Variants in UBXN2A observed in about 807,000 individuals in gnomAD.
UBXN2A encodes UBX domain protein 2A.
Under a neutral mutation model 28.4 loss-of-function variants are expected in UBXN2A, and 28 were observed. The observed-to-expected ratio is 0.99, with a 90% CI of 0.73 to 1.35. The LOEUF is 1.35. Among genes scored for constraint, UBXN2A ranks in the 40% most tolerant of loss-of-function variants. UBXN2A has a pLI of 0.00. For synonymous variants in UBXN2A, 97 were observed against 103.6 expected, an observed-to-expected ratio of 0.94 and a Z score of 0.39; for missense variants, 253 against 297.9, an observed-to-expected ratio of 0.85 and a Z score of 1.11.
intron 3 of UBXN2A, 92 bp downstream of exon 3, chr2:23,971,506 T>G (rs1707420514): frequency 1.5e-6 from 2 of 1,345,480 alleles, no homozygotes; most frequent in South Asian, 4.0e-5. Flanking sequence ...TTGTTTTGTT[T>G]GAGACAAGGT....
intron 4 of UBXN2A, among the ~76,000 whole-genome samples, chr2:23,981,476 TAAAAAAAAAAA>T (rs55665209): frequency 5.2e-4 from 15 of 28,924 alleles, no homozygotes; most frequent in Admixed American, 3.5e-3. Context: ...AGCTCCTATC[TAAAAAAAAAAA>T]AAAAAAAAAA....
intron 6 of UBXN2A, among the ~76,000 whole-genome samples, chr2:23,990,145 GC>G (rs1708298901): frequency 6.6e-6 from 1 of 151,352 alleles, no homozygotes; most frequent in Non-Finnish European, 1.5e-5. Context: ...TTCCTGCTAG[GC>G]TCTCTGACAC....
intron 1 of UBXN2A, among the ~76,000 whole-genome samples, chr2:23,935,002 G>A (rs567885041): frequency 2.0e-5 from 3 of 152,222 alleles, no homozygotes. Context: ...TTGAACCTGG[G>A]AGGCAGAGGT....
At chr2:23,952,825 C>A (rs1017449486) in intron 1 of UBXN2A, among the ~76,000 whole-genome samples, 1 of 152,060 alleles carries the variant, frequency 6.6e-6, no homozygotes, top group African/African-American at 2.4e-5. Flanking sequence ...ACAGTCCTCC[C>A]ACTTTGACAT....
chr2:23,932,226 G>A (rs929049549), intron 1 of UBXN2A, among the ~76,000 whole-genome samples: 18 of 151,978 alleles, frequency 1.2e-4, no homozygotes, highest in African/African-American at 4.3e-4. Flanking sequence ...GCCGAGGCAG[G>A]AGAATTGCTT....
At chr2:23,982,785 A>G in intron 4 of UBXN2A, 111 bp from the exon 5 acceptor site, 1 of 1,131,022 alleles carries the variant, frequency 8.8e-7, no homozygotes, top group East Asian at 2.7e-5. Flanking sequence ...TGTATAGAAT[A>G]TTATATATTT....
intron 1 of UBXN2A, among the ~76,000 whole-genome samples, chr2:23,931,994 G>C (rs552926901): frequency 6.6e-6 from 1 of 151,488 alleles, no homozygotes; most frequent in South Asian, 2.1e-4. Flanking sequence ...CTGGGTGACA[G>C]AGCGAGACTC....
intron 3 of UBXN2A, among the ~76,000 whole-genome samples, chr2:23,976,763 T>C (rs1253926677): frequency 6.6e-6 from 1 of 152,146 alleles, no homozygotes; most frequent in Non-Finnish European, 1.5e-5. Context: ...TGATTTTTTG[T>C]GGAAACTGGG....
chr2:23,943,856 T>C, intron 1 of UBXN2A: 1 of 376,438 alleles, frequency 2.7e-6, no homozygotes, highest in Non-Finnish European at 5.2e-6. Context: ...ATGGCTGCAC[T>C]CTTGCTGAGA....
chr2:23,942,773 T>C (rs1350945361), intron 1 of UBXN2A, among the ~76,000 whole-genome samples: 2 of 151,966 alleles, frequency 1.3e-5, no homozygotes, highest in Non-Finnish European at 2.9e-5. Flanking sequence ...TTTCTGTTTC[T>C]TTTTCTTTTT....
At position 23,966,597 on chromosome 2, in the gene UBXN2A, C is replaced by T. The variant is rs1471868249; in HGVS notation, c.42-4679C>T. Among the ~76,000 whole-genome samples the T allele has an allele frequency of 6.0e-5, 9 of 148,812 alleles. No individual in the cohort carries two copies. In the South Asian group the frequency reaches 8.6e-4, roughly 14 times the overall value. On this transcript the variant is annotated intron_variant, in intron 2 of 6. Transcript: ENST00000309033. ...CCTCCCGAGTAGCTGGGACTACAGG[C>T]GCCCGCCACCACACCTGGCTAATTT...
intron 3 of UBXN2A, among the ~76,000 whole-genome samples, chr2:23,972,551 C>T (rs570280651): frequency 7.9e-5 from 12 of 152,170 alleles, no homozygotes; most frequent in Middle Eastern, 3.4e-3. Context: ...TGACCGGGCG[C>T]GGTGGCTCAT....
chr2:24,000,007 GT>G lies in UBXN2A; in HGVS notation c.*143del. ...TTGAACTCTCTCCTGATGAGAAGATGTTTAGATAAGTACAAGTTAAGAAAGT... is the reference window on the plus strand; with the variant it reads ...TTGAACTCTCTCCTGATGAGAAGATGTTAGATAAGTACAAGTTAAGAAAGT... On this transcript the variant is annotated 3_prime_UTR_variant, in exon 7 of 7. Transcript: ENST00000309033. The G allele has an allele frequency of 2.7e-6, 2 of 744,618 alleles. No individual in the cohort carries two copies. The highest frequency in any genetic ancestry group is 4.3e-6 in the Non-Finnish European group (2 of 463,770). The allele number at this position is 744,618 out of a possible 1,614,324, so 46.1% of individuals were successfully genotyped here.
intron 6 of UBXN2A, among the ~76,000 whole-genome samples, chr2:23,986,898 G>T (rs981653930): frequency 6.6e-6 from 1 of 151,838 alleles, no homozygotes; most frequent in Non-Finnish European, 1.5e-5. Context: ...ATGAGCCACC[G>T]TGCCCAGCCT....
chr2:23,947,669 A>T (rs911617452), intron 1 of UBXN2A, among the ~76,000 whole-genome samples: 1 of 152,148 alleles, frequency 6.6e-6, no homozygotes, highest in African/African-American at 2.4e-5. Context: ...TGTTAAAATT[A>T]ATTTTTACAT....
At chr2:23,950,282 T>C (rs1294999131) in intron 1 of UBXN2A, among the ~76,000 whole-genome samples, 2 of 152,250 alleles carry the variant, frequency 1.3e-5, no homozygotes, top group East Asian at 3.8e-4. Context: ...ATAGTTAGGA[T>C]TTGAATGCCT....
At chr2:23,988,214 G>A (rs1186381653) in intron 6 of UBXN2A, among the ~76,000 whole-genome samples, 1 of 152,050 alleles carries the variant, frequency 6.6e-6, no homozygotes, top group African/African-American at 2.4e-5. Flanking sequence ...AAATACTTAG[G>A]TATAGATTAT....
intron 1 of UBXN2A, among the ~76,000 whole-genome samples, chr2:23,952,117 C>T (rs1378984207): frequency 6.6e-6 from 1 of 151,968 alleles, no homozygotes; most frequent in Non-Finnish European, 1.5e-5. Flanking sequence ...CAAGCGCTCG[C>T]CATCACACCC....
At chr2:23,962,578 A>G (rs1459959848) in intron 2 of UBXN2A, among the ~76,000 whole-genome samples, 1 of 151,818 alleles carries the variant, frequency 6.6e-6, no homozygotes, top group Non-Finnish European at 1.5e-5. Context: ...TTACAAAAGT[A>G]AGAGGTTTTT....
Sources: allele counts gnomAD v4.1 joint callset (sites outside exome capture counted in the v4.1 genomes callset), GRCh38; gene constraint gnomAD v4.1.1; transcripts MANE v1.5; gene names NCBI Gene and HGNC (gene_info 2026-07-23, HGNC 2026-07-21).